The following FHOD3 variants were observed in gnomAD, a reference collection of about 807,000 sequenced individuals.
FHOD3 encodes FH1/FH2 domain-containing protein 3.
A neutral mutation model predicts 173.0 loss-of-function variants in FHOD3; 90 were observed. The ratio of observed to expected loss-of-function variants is 0.52; its 90% CI spans 0.44 to 0.62. The LOEUF is 0.62. Ranked by LOEUF, FHOD3 falls within the 20% of genes least tolerant of loss-of-function variation. The pLI is 0.00. For missense variants in FHOD3, 1,945 were observed against 2,034.7 expected (o/e 0.96, Z 0.85); for synonymous variants, 828 against 823.0 (o/e 1.01, Z -0.10).
chr18:36,459,071 T>G (rs910386990), intron 3 of FHOD3, among the ~76,000 whole-genome samples: 1 of 152,182 alleles, frequency 6.6e-6, no homozygotes, highest in Non-Finnish European at 1.5e-5. Context: ...GTGAGAAGGC[T>G]GTTCTTTAGT....
chr18:36,625,976 G>A (rs2034075992), intron 10 of FHOD3, among the ~76,000 whole-genome samples: 1 of 152,072 alleles, frequency 6.6e-6, no homozygotes, highest in Non-Finnish European at 1.5e-5. Context: ...CCCAGGAACT[G>A]TTTTTCAGCT....
intron 3 of FHOD3, among the ~76,000 whole-genome samples, chr18:36,406,610 T>C (rs2049086066): frequency 6.6e-6 from 1 of 152,220 alleles, no homozygotes; most frequent in African/African-American, 2.4e-5. Flanking sequence ...ATCAGTCATA[T>C]TCACTTTAGA....
chr18:36,749,416 G>A (rs1336922161), intron 24 of FHOD3, among the ~76,000 whole-genome samples: 1 of 152,156 alleles, frequency 6.6e-6, no homozygotes, highest in Admixed American at 6.5e-5. Flanking sequence ...ATTTATAAAT[G>A]AGAACATGTG....
chr18:36,657,546 C>T (rs1478315173), intron 13 of FHOD3, among the ~76,000 whole-genome samples: 3 of 152,176 alleles, frequency 2.0e-5, no homozygotes, highest in Non-Finnish European at 4.4e-5. Context: ...CAGGCCAGTC[C>T]AGAAAGCCTG....
At chr18:36,412,883 T>C (rs929052886) in intron 3 of FHOD3, among the ~76,000 whole-genome samples, 3 of 152,104 alleles carry the variant, frequency 2.0e-5, no homozygotes, top group African/African-American at 7.2e-5. Context: ...CAAGGAGTGG[T>C]GGGGATGGAA....
chr18:36,743,308 CAAAAAAAAAAAAAAAAAAAA>C (rs57694311), intron 22 of FHOD3, among the ~76,000 whole-genome samples: 35 of 65,880 alleles, frequency 5.3e-4, no homozygotes, highest in Non-Finnish European at 8.0e-5. Flanking sequence ...GACTCTGTCT[CAAAAAAAAAAAAAAAAAAAA>C]AAAAAAAAGA....
chr18:36,710,740 A>T (rs1256955140), intron 18 of FHOD3: 1 of 152,206 alleles, frequency 6.6e-6, no homozygotes, highest in African/African-American at 2.4e-5. Context: ...ACTGATATTT[A>T]CTTAATTTCT....
At chr18:36,473,287 G>A (rs1468725989) in intron 3 of FHOD3, among the ~76,000 whole-genome samples, 16 of 152,152 alleles carry the variant, frequency 1.1e-4, no homozygotes, top group African/African-American at 3.9e-4. Context: ...GGTGGCACAC[G>A]CCTGTGATCC....
chr18:36,319,483 A>G (rs1039477890), intron 1 of FHOD3, among the ~76,000 whole-genome samples: 4 of 152,240 alleles, frequency 2.6e-5, no homozygotes, highest in Non-Finnish European at 5.9e-5. Flanking sequence ...CCAGATTCAT[A>G]AAGCAAGTTC....
chr18:36,711,927 C>T (rs1256940221), intron 18 of FHOD3, among the ~76,000 whole-genome samples: 1 of 152,156 alleles, frequency 6.6e-6, no homozygotes, highest in African/African-American at 2.4e-5. Flanking sequence ...CTGAACCTCC[C>T]GCGTCCCTTG....
At chr18:36,648,262 G>A (rs1167368761) in intron 10 of FHOD3, among the ~76,000 whole-genome samples, 6 of 152,148 alleles carry the variant, frequency 3.9e-5, no homozygotes, top group Non-Finnish European at 5.9e-5. Flanking sequence ...AGTTATGTAC[G>A]ATGGTGAGGT....
intron 5 of FHOD3, among the ~76,000 whole-genome samples, chr18:36,532,422 C>T (rs920379640): frequency 5.3e-5 from 8 of 152,316 alleles, no homozygotes; most frequent in African/African-American, 1.9e-4. Flanking sequence ...GCTTCTGTGG[C>T]ACCTGGGGGA....
At chr18:36,599,972 G>T (rs907407365) in intron 7 of FHOD3, among the ~76,000 whole-genome samples, 2 of 151,696 alleles carry the variant, frequency 1.3e-5, no homozygotes. Context: ...GGGTGGGGGT[G>T]GGGGGCAGTG....
At chr18:36,348,440 G>A (rs1187602328) in intron 1 of FHOD3, among the ~76,000 whole-genome samples, 1 of 152,196 alleles carries the variant, frequency 6.6e-6, no homozygotes, top group Non-Finnish European at 1.5e-5. Flanking sequence ...AGCCAAGAGT[G>A]GGGCTAGCTT....
intron 24 of FHOD3, among the ~76,000 whole-genome samples, chr18:36,753,060 G>A (rs190982328): frequency 6.6e-5 from 10 of 152,276 alleles, no homozygotes; most frequent in East Asian, 1.9e-4. Context: ...AAGGCTTCTC[G>A]GAGGAGGTGG....
chr18:36,625,448 C>A, intron 9 of FHOD3, 63 bp from the exon 10 acceptor site: 1 of 1,319,328 alleles, frequency 7.6e-7, no homozygotes. Flanking sequence ...AATGCAGTCA[C>A]ACCTGAGGTC....
intron 3 of FHOD3, among the ~76,000 whole-genome samples, chr18:36,440,899 G>T (rs188920618): frequency 6.6e-6 from 1 of 152,182 alleles, no homozygotes; most frequent in African/African-American, 2.4e-5. Context: ...GTGGGGCTGT[G>T]ACTATCTGCT....
intron 18 of FHOD3, among the ~76,000 whole-genome samples, chr18:36,714,194 A>G (rs935012411): frequency 6.6e-6 from 1 of 152,242 alleles, no homozygotes; most frequent in South Asian, 2.1e-4. Flanking sequence ...TGATAAAAGG[A>G]GTCATAAATT....
At chr18:36,464,366 G>A (rs1179104452) in intron 3 of FHOD3, among the ~76,000 whole-genome samples, 1 of 152,170 alleles carries the variant, frequency 6.6e-6, no homozygotes, top group African/African-American at 2.4e-5. Flanking sequence ...TCCAGAAAAT[G>A]CTTACTGCTA....
Sources: allele counts gnomAD v4.1 joint callset (sites outside exome capture counted in the v4.1 genomes callset), GRCh38; gene constraint gnomAD v4.1.1; transcripts MANE v1.5; gene names NCBI Gene and HGNC (gene_info 2026-07-23, HGNC 2026-07-21).